The following ARL15 variants were observed in gnomAD, a reference collection of about 807,000 sequenced individuals.
ARL15 encodes the protein ARF like GTPase 15, also known as ADP-ribosylation factor-like protein 15.
In ARL15, 19 loss-of-function variants were observed where a neutral mutation model predicts 25.2. That is an observed-to-expected ratio of 0.75 (90% CI 0.53 to 1.10). ARL15 has a LOEUF of 1.10. Among genes scored for constraint, ARL15 ranks in the 50% least tolerant of loss-of-function variants. The probability of loss-of-function intolerance (pLI) is 0.00; values close to 1 mark genes in which losing one functional copy is unlikely to be tolerated. For synonymous variants in ARL15, 94 were observed against 86.8 expected (o/e 1.08, Z -0.46); for missense variants, 220 against 246.0 (o/e 0.89, Z 0.71).
At chr5:54,157,573 A>T (rs1234602555) in intron 2 of ARL15, among the ~76,000 whole-genome samples, 1 of 151,822 alleles carries the variant, frequency 6.6e-6, no homozygotes, top group East Asian at 1.9e-4. Flanking sequence ...CACCACGCCC[A>T]GCTAATGTTT....
At chr5:54,022,650 C>A (rs1044057539) in intron 4 of ARL15, among the ~76,000 whole-genome samples, 2 of 152,174 alleles carry the variant, frequency 1.3e-5, no homozygotes, top group African/African-American at 4.8e-5. Context: ...CACCAGAAAT[C>A]CCAGCCCCTT....
At chr5:54,114,270 T>A (rs1004130164) in intron 3 of ARL15, among the ~76,000 whole-genome samples, 2 of 151,388 alleles carry the variant, frequency 1.3e-5, no homozygotes, top group East Asian at 3.9e-4. Context: ...TGGCGGCGGG[T>A]GCCTGTAATC....
At chr5:53,979,829 T>TTGTGTGTGTGTG (rs70986653) in intron 4 of ARL15, among the ~76,000 whole-genome samples, 2 of 143,070 alleles carry the variant, frequency 1.4e-5, no homozygotes, top group South Asian at 2.3e-4. Flanking sequence ...TTAAAGTCTT[T>TTGTGTGTGTGTG]TGTGTGTGTG....
chr5:54,111,039 C>A (rs1244343887), intron 4 of ARL15, among the ~76,000 whole-genome samples: 1 of 151,888 alleles, frequency 6.6e-6, no homozygotes, highest in African/African-American at 2.4e-5. Context: ...CACTGTGCTT[C>A]CATAAACTTC....
intron 1 of ARL15, among the ~76,000 whole-genome samples, chr5:54,183,787 A>C (rs1482003479): frequency 7.3e-5 from 11 of 151,616 alleles, no homozygotes; most frequent in Admixed American, 5.3e-4. Flanking sequence ...GCTGCTATAA[A>C]AACACATGCA....
chr5:54,185,978 A>G (rs1755225399), intron 1 of ARL15, among the ~76,000 whole-genome samples: 3 of 152,204 alleles, frequency 2.0e-5, no homozygotes, highest in African/African-American at 4.8e-5. Flanking sequence ...GTTTGCAATA[A>G]TAACAACAAT....
chr5:53,946,282 C>T lies in ARL15; in HGVS notation c.463-59569G>A, dbSNP rs184286842. ...CAGCCTGGCCAACATGGCGAAGCCC[C>T]ATCTGTACTAAAAATACAAAACCCA... On this transcript the variant is annotated intron_variant, in intron 4 of 4. Coordinates refer to ENST00000504924, the MANE Select transcript of ARL15 (RefSeq NM_019087.3). 4.9e-3 allele frequency among the ~76,000 whole-genome samples: 742 copies of T among 151,844 alleles called. 2 individuals are homozygous for T. The highest frequency in any genetic ancestry group is 8.9e-3 in the Admixed American group (136 of 15,246).
intron 4 of ARL15, among the ~76,000 whole-genome samples, chr5:54,054,871 T>G (rs568088327): frequency 6.6e-6 from 1 of 152,054 alleles, no homozygotes; most frequent in East Asian, 1.9e-4. Context: ...GGCCACAACC[T>G]ACCTCATCTA....
intron 4 of ARL15, among the ~76,000 whole-genome samples, chr5:54,098,629 T>C (rs1258118885): frequency 1.3e-5 from 2 of 152,202 alleles, no homozygotes; most frequent in Non-Finnish European, 2.9e-5. Context: ...AAGCACACCC[T>C]CGTTTTTGTT....
chr5:54,170,041 C>T (rs968992837), intron 2 of ARL15, among the ~76,000 whole-genome samples: 7 of 152,144 alleles, frequency 4.6e-5, no homozygotes, highest in East Asian at 3.8e-4. Flanking sequence ...CAAAAGCTGA[C>T]GTGAACTGAA....
chr5:53,999,853 C>A (rs1222967692), intron 4 of ARL15, among the ~76,000 whole-genome samples: 1 of 151,772 alleles, frequency 6.6e-6, no homozygotes, highest in Non-Finnish European at 1.5e-5. Context: ...CAAGATCACG[C>A]CATTGCACTC....
intron 4 of ARL15, among the ~76,000 whole-genome samples, chr5:53,970,086 T>C (rs549784975): frequency 4.6e-4 from 70 of 152,142 alleles, no homozygotes; most frequent in Non-Finnish European, 8.4e-4. Flanking sequence ...ACAGGCTTCA[T>C]AGATGAAGTT....
chr5:54,107,103 C>T (rs1045414763), intron 4 of ARL15, among the ~76,000 whole-genome samples: 2 of 152,072 alleles, frequency 1.3e-5, no homozygotes, highest in Admixed American at 6.6e-5. Context: ...GTACTTCTTC[C>T]ATGGTGGTGG....
chr5:54,040,717 T>C (rs1337076771), intron 4 of ARL15, among the ~76,000 whole-genome samples: 3 of 152,186 alleles, frequency 2.0e-5, no homozygotes, highest in Non-Finnish European at 4.4e-5. Context: ...GTAAAGTATC[T>C]TCTAAAAACT....
chr5:54,219,394 C>G (rs2112527264), intron 1 of ARL15, among the ~76,000 whole-genome samples: 1 of 152,246 alleles, frequency 6.6e-6, no homozygotes, highest in Non-Finnish European at 1.5e-5. Flanking sequence ...CATCAAATCT[C>G]AAATTCAATG....
At chr5:54,038,857 G>GA (rs1750248978) in intron 4 of ARL15, among the ~76,000 whole-genome samples, 1 of 152,066 alleles carries the variant, frequency 6.6e-6, no homozygotes, top group Admixed American at 6.6e-5. Flanking sequence ...ATTCACTTGG[G>GA]AAAATCAAAG....
intron 4 of ARL15, among the ~76,000 whole-genome samples, chr5:53,991,445 G>C (rs1459872147): frequency 6.7e-6 from 1 of 149,200 alleles, no homozygotes; most frequent in African/African-American, 2.5e-5. Context: ...AGGAGGCTAA[G>C]ATAGGAGAAT....
chr5:53,908,846 G>C (rs1745362346), intron 4 of ARL15, among the ~76,000 whole-genome samples: 1 of 152,122 alleles, frequency 6.6e-6, no homozygotes, highest in Non-Finnish European at 1.5e-5. Context: ...AGGGTGTGTA[G>C]GATATATTCA....
chr5:53,992,617 T>G (rs187741650), intron 4 of ARL15, among the ~76,000 whole-genome samples: 1 of 152,226 alleles, frequency 6.6e-6, no homozygotes, highest in Non-Finnish European at 1.5e-5. Flanking sequence ...TTTTATTTTC[T>G]CAAATAACTA....
Sources: gnomAD v4.1 joint callset for allele counts (sites outside exome capture counted in the v4.1 genomes callset) on GRCh38, gnomAD v4.1.1 for gene constraint, MANE v1.5 for transcripts, NCBI Gene and HGNC (gene_info 2026-07-23, HGNC 2026-07-21) for gene names.